Variants in ODF2 observed in about 807,000 individuals in gnomAD.
ODF2 encodes outer dense fiber of sperm tails 2, also known as outer dense fiber protein 2.
In ODF2, 47 loss-of-function variants were observed where a neutral mutation model predicts 110.2. That is an observed-to-expected ratio of 0.43 (90% CI 0.34 to 0.54). The LOEUF (loss-of-function observed/expected upper bound fraction) is 0.54. Ranked by LOEUF, ODF2 falls within the 20% of genes least tolerant of loss-of-function variation. The pLI, the probability that ODF2 is intolerant of heterozygous loss-of-function variation, is 0.03. For missense variants in ODF2, 812 were observed against 1,054.5 expected, an observed-to-expected ratio of 0.77 and a Z score of 3.19; for synonymous variants, 352 against 397.7, an observed-to-expected ratio of 0.89 and a Z score of 1.37.
intron 4 of ODF2, among the ~76,000 whole-genome samples, chr9:128,461,948 A>G (rs1280594932): frequency 6.6e-6 from 1 of 152,166 alleles, no homozygotes; most frequent in East Asian, 1.9e-4. Context: ...GACCAGTACA[A>G]TAAATTAAAA....
chr9:128,477,589 T>A (rs986248346), intron 8 of ODF2, among the ~76,000 whole-genome samples: 50 of 151,716 alleles, frequency 3.3e-4, no homozygotes, highest in African/African-American at 1.1e-3. Context: ...TAAAGTGGTA[T>A]CCTCACTGCC....
chr9:128,488,088 T>G (rs1232639313), intron 14 of ODF2, 63 bp downstream of exon 14: 16 of 1,589,702 alleles, frequency 1.0e-5, no homozygotes, highest in Middle Eastern at 1.9e-4. Context: ...TGAGGGGTCT[T>G]GTCTTACGTG....
intron 8 of ODF2, among the ~76,000 whole-genome samples, chr9:128,477,869 G>A (rs1841639703): frequency 6.6e-6 from 1 of 151,980 alleles, no homozygotes; most frequent in Admixed American, 6.6e-5. Flanking sequence ...AAAGTGCTGG[G>A]ATTACAGGGG....
exon 11 of ODF2, chr9:128,484,012 G>C: frequency 1.2e-6 from 2 of 1,613,472 alleles, no homozygotes; most frequent in Middle Eastern, 1.6e-4. Context: ...CACAGCTTCG[G>C]TCCAAAGAGG....
intron 1 of ODF2, chr9:128,456,638 G>C: frequency 2.0e-6 from 3 of 1,490,112 alleles, no homozygotes; most frequent in Non-Finnish European, 2.7e-6. Context: ...GCCCGTCGGC[G>C]GCATCGCCCC....
At chr9:128,455,970 T>C (rs1031762878), upstream of ODF2, 10 of 1,410,894 alleles carry the variant, frequency 7.1e-6, no homozygotes, top group African/African-American at 1.2e-4. Flanking sequence ...GTCTCCTTGG[T>C]GACGGGACGC....
exon 21 of ODF2, chr9:128,500,432 A>G: frequency 3.3e-6 from 2 of 607,916 alleles, no homozygotes; most frequent in Admixed American, 6.0e-5. Flanking sequence ...AGCAGGAAGC[A>G]CTTGGTTTTC....
Position 128,494,462 on chromosome 9 carries a change from C to G in ODF2, c.1753-48C>G. 1 of 1,585,460 alleles carries G rather than the reference C, an allele frequency of 6.3e-7. No individual in the cohort carries two copies. On this transcript the variant is annotated intron_variant, in intron 16 of 20. Transcript: ENST00000604420. This position sits in a 1 kb window ranked among gnomAD's most constrained non-coding sequence, Gnocchi z 4.6. ...TGGCTCCACTAGGAGCCAGGTCTTT[C>G]CTAACTGTGGGTCTTTCCTTCCTGT...
chr9:128,481,712 A>G (rs1842431188), intron 9 of ODF2, 61 bp downstream of exon 9: 1 of 1,379,184 alleles, frequency 7.3e-7, no homozygotes, highest in Middle Eastern at 1.8e-4. Context: ...TCGTTCCACT[A>G]CAAAGTGTAG....
exon 4 of ODF2, chr9:128,460,948 C>T (rs1292541651): frequency 1.2e-6 from 2 of 1,614,076 alleles, no homozygotes; most frequent in Non-Finnish European, 1.7e-6. Flanking sequence ...ACAGAAATCT[C>T]ACAAGCGAGG....
intron 10 of ODF2, among the ~76,000 whole-genome samples, chr9:128,483,088 G>T (rs1842731001): frequency 1.3e-5 from 2 of 152,108 alleles, no homozygotes; most frequent in Admixed American, 1.3e-4. Flanking sequence ...TAGAGACGGG[G>T]TTTCACCATG....
chr9:128,500,266 C>T (rs764337524), exon 21 of ODF2: 26 of 1,613,658 alleles, frequency 1.6e-5, no homozygotes, highest in Middle Eastern at 3.3e-4. Context: ...GGCCACTTAT[C>T]AGGGCCTGGA....
intron 4 of ODF2, among the ~76,000 whole-genome samples, chr9:128,468,322 G>A (rs908514471): frequency 2.0e-5 from 3 of 151,878 alleles, no homozygotes; most frequent in African/African-American, 7.3e-5. Flanking sequence ...GCCAACTTTG[G>A]GTATTATTAA....
chr9:128,460,155 C>T (rs1053547045), intron 3 of ODF2: 28 of 1,297,258 alleles, frequency 2.2e-5, no homozygotes, highest in African/African-American at 6.0e-5. Context: ...TCTGCATGCC[C>T]AGTTGAGATC....
chr9:128,461,246 G>A, intron 4 of ODF2, 179 bp downstream of exon 4: 1 of 748,686 alleles, frequency 1.3e-6, no homozygotes, highest in Non-Finnish European at 2.1e-6. Context: ...TGATACTGCT[G>A]TGTGGGAAGT....
At chr9:128,492,714 G>A in exon 16 of ODF2, 1 of 1,614,170 alleles carries the variant, frequency 6.2e-7, no homozygotes, top group Non-Finnish European at 8.5e-7. Flanking sequence ...ATGAAGACCA[G>A]ATTGGAGGCT....
intron 12 of ODF2, 44 bp downstream of exon 12, chr9:128,484,930 G>T: frequency 6.3e-7 from 1 of 1,596,858 alleles, no homozygotes; most frequent in South Asian, 1.1e-5. Context: ...CCCTGAGGAG[G>T]GCTGGGTGAT....
chr9:128,498,329 C>T (rs1846006137), intron 18 of ODF2, 84 bp from the exon 19 acceptor site: 2 of 1,430,458 alleles, frequency 1.4e-6, no homozygotes, highest in Non-Finnish European at 1.8e-6. Flanking sequence ...GATCCCCAGT[C>T]CAGGAGAGGC....
At chr9:128,461,221 C>A in intron 4 of ODF2, 154 bp downstream of exon 4, 1 of 947,462 alleles carries the variant, frequency 1.1e-6, no homozygotes, top group Non-Finnish European at 1.6e-6. Flanking sequence ...CTATGTGAAT[C>A]TTCTTGAGTT....
Sources: gnomAD v4.1 joint callset for allele counts (sites outside exome capture counted in the v4.1 genomes callset) on GRCh38, gnomAD v4.1.1 for gene constraint, Gnocchi (gnomAD v3.1) non-coding constraint, MANE v1.5 for transcripts, NCBI Gene and HGNC (gene_info 2026-07-23, HGNC 2026-07-21) for gene names.